Variants in MAP4K4 observed in about 807,000 individuals in gnomAD.
The protein encoded by MAP4K4 is mitogen-activated protein kinase kinase kinase kinase 4, also known as HPK/GCK-like kinase HGK.
A neutral mutation model predicts 189.6 loss-of-function variants in MAP4K4; 38 were observed. The ratio of observed to expected loss-of-function variants is 0.20; its 90% CI spans 0.15 to 0.26. The LOEUF is 0.26. Ranked by LOEUF, MAP4K4 falls within the 10% of genes least tolerant of loss-of-function variation. The pLI is 1.00. For synonymous variants in MAP4K4, 610 were observed against 624.3 expected (o/e 0.98, Z 0.34); for missense variants, 1,054 against 1,726.9 (o/e 0.61, Z 6.91).
At chr2:101,859,409 A>G (rs1166817477) in intron 14 of MAP4K4, among the ~76,000 whole-genome samples, 3 of 152,234 alleles carry the variant, frequency 2.0e-5, no homozygotes, top group Non-Finnish European at 2.9e-5. Context: ...CTATACCACT[A>G]AAACTCACAT....
intron 6 of MAP4K4, among the ~76,000 whole-genome samples, chr2:101,830,017 T>TA (rs1344944142): frequency 2.6e-5 from 4 of 152,208 alleles, no homozygotes; most frequent in Non-Finnish European, 4.4e-5. Flanking sequence ...TTTCTTTTCT[T>TA]AAACTTTTTG....
At chr2:101,799,228 T>G (rs139751009) in intron 3 of MAP4K4, among the ~76,000 whole-genome samples, 1 of 152,222 alleles carries the variant, frequency 6.6e-6, no homozygotes, top group Non-Finnish European at 1.5e-5. Flanking sequence ...ATCTGTAAAA[T>G]GGAATAATGC....
intron 1 of MAP4K4, 54 bp from the exon 2 acceptor site, chr2:101,698,419 A>T: frequency 1.4e-6 from 2 of 1,455,392 alleles, no homozygotes; most frequent in Admixed American, 1.7e-5. Flanking sequence ...TGCTTGATTT[A>T]TTCATTTTTT....
intron 6 of MAP4K4, 53 bp downstream of exon 6, chr2:101,829,647 C>G: frequency 1.6e-6 from 2 of 1,227,196 alleles, no homozygotes; most frequent in Non-Finnish European, 2.4e-6. Flanking sequence ...CACAAGCCAG[C>G]TGCACTCCCA....
chr2:101,714,490 AT>A (rs1272728869), intron 2 of MAP4K4, among the ~76,000 whole-genome samples: 1 of 152,218 alleles, frequency 6.6e-6, no homozygotes, highest in Non-Finnish European at 1.5e-5. Flanking sequence ...ACAGTGAGAA[AT>A]AACATTCTAC....
intron 3 of MAP4K4, among the ~76,000 whole-genome samples, chr2:101,798,573 G>A (rs913474164): frequency 2.0e-5 from 3 of 152,168 alleles, no homozygotes; most frequent in African/African-American, 7.2e-5. Flanking sequence ...TCACAATAGA[G>A]TCCTGGACTT....
intron 2 of MAP4K4, among the ~76,000 whole-genome samples, chr2:101,764,702 A>G (rs755183420): frequency 6.6e-6 from 1 of 152,202 alleles, no homozygotes; most frequent in Non-Finnish European, 1.5e-5. Context: ...ACTTGAATTA[A>G]TATAAGCCCT....
chr2:101,737,459 ATATTTTTTTTTTT>A lies in MAP4K4; in HGVS notation c.123+38923_123+38935del, dbSNP rs1400541057. Among the ~76,000 whole-genome samples the A allele has an allele frequency of 2.4e-3, 77 of 31,612 alleles. 1 individual carries two copies. The highest frequency in any genetic ancestry group is 0.012 in the African/African-American group (69 of 5,718). 20.7% of individuals were successfully genotyped at this position (31,612 alleles called of 152,430 possible). A position where few individuals can be genotyped will look rare whatever the true frequency, so the allele number is the denominator to read the frequency against. Reference sequence around the variant, plus strand: ...TATATATATATATATATATATATATATATTTTTTTTTTTTTTTTTTTTTTTTTTGCTGTTAGTC... The same window carrying A: ...TATATATATATATATATATATATATATTTTTTTTTTTTTTTGCTGTTAGTC... On this transcript the variant is annotated intron_variant, in intron 2 of 32. Coordinates refer to ENST00000324219, the Ensembl canonical transcript of MAP4K4.
At chr2:101,869,019 T>G (rs2150007459) in intron 21 of MAP4K4, among the ~76,000 whole-genome samples, 1 of 152,276 alleles carries the variant, frequency 6.6e-6, no homozygotes, top group South Asian at 2.1e-4. Flanking sequence ...AGGGAAGTTA[T>G]GTTTCTACAA....
chr2:101,778,383 C>A (rs2085432787), intron 2 of MAP4K4, among the ~76,000 whole-genome samples: 1 of 152,038 alleles, frequency 6.6e-6, no homozygotes, highest in Non-Finnish European at 1.5e-5. Flanking sequence ...GCTTTTGTAT[C>A]TTTTTTGTAG....
At chr2:101,727,963 C>T (rs888528652) in intron 2 of MAP4K4, among the ~76,000 whole-genome samples, 2 of 152,094 alleles carry the variant, frequency 1.3e-5, no homozygotes, top group Non-Finnish European at 2.9e-5. Context: ...AGCGAGACTC[C>T]GTCTTGAAAG....
At chr2:101,734,342 AT>A (rs2059588748) in intron 2 of MAP4K4, among the ~76,000 whole-genome samples, 1 of 152,236 alleles carries the variant, frequency 6.6e-6, no homozygotes, top group African/African-American at 2.4e-5. Flanking sequence ...TTACTATTAT[AT>A]TTAAAACAAA....
chr2:101,745,438 T>TAA (rs10678749), intron 2 of MAP4K4, among the ~76,000 whole-genome samples: 9,434 of 91,430 alleles, frequency 0.1, 717 homozygotes, highest in African/African-American at 0.22. Flanking sequence ...TGCCCCCAGG[T>TAA]AAAAAAAAAA....
chr2:101,721,640 T>C (rs1315225513), intron 2 of MAP4K4, among the ~76,000 whole-genome samples: 1 of 152,152 alleles, frequency 6.6e-6, no homozygotes, highest in East Asian at 1.9e-4. Flanking sequence ...TTCACCATTA[T>C]TGGTTAGGCT....
At chr2:101,746,664 A>G (rs1391367068) in intron 2 of MAP4K4, among the ~76,000 whole-genome samples, 1 of 152,118 alleles carries the variant, frequency 6.6e-6, no homozygotes, top group Admixed American at 6.6e-5. Flanking sequence ...GTAAATATTG[A>G]TTTAAGGAGA....
At chr2:101,850,638 G>A (rs2097255862) in intron 12 of MAP4K4, among the ~76,000 whole-genome samples, 1 of 152,146 alleles carries the variant, frequency 6.6e-6, no homozygotes, top group Admixed American at 6.5e-5. Flanking sequence ...TAATCATAGT[G>A]TCCTGGCATG....
intron 2 of MAP4K4, among the ~76,000 whole-genome samples, chr2:101,746,116 G>A (rs559214523): frequency 5.3e-5 from 8 of 151,414 alleles, no homozygotes; most frequent in African/African-American, 1.9e-4. Context: ...CACCCTCCTG[G>A]GTAGTTGGGA....
At chr2:101,721,996 A>G (rs2052446913) in intron 2 of MAP4K4, among the ~76,000 whole-genome samples, 3 of 152,144 alleles carry the variant, frequency 2.0e-5, no homozygotes, top group African/African-American at 7.2e-5. Context: ...TGATGAACAG[A>G]GTGCCTGCTG....
intron 5 of MAP4K4, among the ~76,000 whole-genome samples, chr2:101,827,909 G>A (rs1232829748): frequency 3.3e-5 from 5 of 152,220 alleles, no homozygotes; most frequent in African/African-American, 4.8e-5. Flanking sequence ...TCGAGGATAG[G>A]TCCTTCACTG....
Sources: gnomAD v4.1 joint callset for allele counts (sites outside exome capture counted in the v4.1 genomes callset) on GRCh38, gnomAD v4.1.1 for gene constraint, MANE v1.5 for transcripts, NCBI Gene and HGNC (gene_info 2026-07-23, HGNC 2026-07-21) for gene names.